Variants in LRBA observed in about 807,000 individuals in gnomAD.
The protein encoded by LRBA is lipopolysaccharide-responsive and beige-like anchor protein.
A neutral mutation model predicts 330.0 loss-of-function variants in LRBA; 176 were observed. The observed-to-expected ratio is 0.53, with a 90% CI of 0.47 to 0.60. LRBA has a LOEUF of 0.60. Among genes scored for constraint, LRBA ranks in the 20% least tolerant of loss-of-function variants. The pLI is 0.00. For synonymous variants in LRBA, 1,230 were observed against 1,193.0 expected (o/e 1.03, Z -0.64); for missense variants, 3,259 against 3,444.8 (o/e 0.95, Z 1.35).
chr4:150,805,468 G>GA (rs1742558939), intron 33 of LRBA, among the ~76,000 whole-genome samples: 1 of 132,274 alleles, frequency 7.6e-6, no homozygotes, highest in South Asian at 2.7e-4. Context: ...GAAAGGAAAG[G>GA]AAAGGAAAGG....
chr4:150,308,762 C>G (rs1158798015), intron 52 of LRBA, among the ~76,000 whole-genome samples: 3 of 151,952 alleles, frequency 2.0e-5, no homozygotes, highest in African/African-American at 7.3e-5. Context: ...TAGAAAAAAA[C>G]CTATACAATA....
At chr4:150,630,312 C>G (rs2126666792) in intron 37 of LRBA, among the ~76,000 whole-genome samples, 1 of 152,098 alleles carries the variant, frequency 6.6e-6, no homozygotes, top group South Asian at 2.1e-4. Context: ...GATGTGTTGA[C>G]ATCAATAGTT....
intron 2 of LRBA, among the ~76,000 whole-genome samples, chr4:151,003,885 CTGTGTGTGTGTGTGTGTG>C (rs56025404): frequency 2.1e-4 from 28 of 134,198 alleles, no homozygotes; most frequent in East Asian, 6.8e-4. Flanking sequence ...TAGCCAACTG[CTGTGTGTGTGTGTGTGTG>C]TGTGTGTGTG....
intron 44 of LRBA, among the ~76,000 whole-genome samples, chr4:150,465,812 A>C (rs951316348): frequency 6.6e-6 from 1 of 152,104 alleles, no homozygotes; most frequent in Non-Finnish European, 1.5e-5. Flanking sequence ...CAGTAAGTAG[A>C]TATAGAAACT....
chr4:150,790,076 A>G (rs1739678976), intron 34 of LRBA, among the ~76,000 whole-genome samples: 2 of 152,238 alleles, frequency 1.3e-5, no homozygotes, highest in South Asian at 4.1e-4. Context: ...TGTCAGGAAG[A>G]GTTCCATTTC....
intron 37 of LRBA, among the ~76,000 whole-genome samples, chr4:150,639,799 ATATATATGTGTGTGTGTGTG>A (rs1561457665): frequency 0.02 from 91 of 4,618 alleles, 8 homozygotes; most frequent in East Asian, 0.029. Context: ...GTGTATATAT[ATATATATGTGTGTGTGTGTG>A]TATATATATA....
At chr4:150,608,511 C>T (rs369745440) in intron 37 of LRBA, among the ~76,000 whole-genome samples, 2 of 152,214 alleles carry the variant, frequency 1.3e-5, no homozygotes, top group East Asian at 3.9e-4. Context: ...CAGCGGGCAC[C>T]ATTATTTAAT....
At chr4:150,518,611 C>T (rs963657108) in intron 40 of LRBA, among the ~76,000 whole-genome samples, 1 of 152,160 alleles carries the variant, frequency 6.6e-6, no homozygotes, top group Admixed American at 6.5e-5. Context: ...CTACAACCAG[C>T]CTCCCTTCCT....
At chr4:150,600,967 G>A (rs978090382) in intron 37 of LRBA, among the ~76,000 whole-genome samples, 4 of 152,142 alleles carry the variant, frequency 2.6e-5, no homozygotes, top group Non-Finnish European at 4.4e-5. Flanking sequence ...TGAATCACAG[G>A]CTGCTCCTCG....
intron 17 of LRBA, among the ~76,000 whole-genome samples, chr4:150,887,249 A>C (rs1030704299): frequency 6.6e-6 from 1 of 152,214 alleles, no homozygotes; most frequent in Non-Finnish European, 1.5e-5. Context: ...ATCAAAATGT[A>C]AAACACAAAG....
rs868382707 is a variant in LRBA at position 150,661,485 on chromosome 4, A to G, written c.5921+22066T>C. Among the ~76,000 whole-genome samples, 237 of 151,730 alleles carry G rather than the reference A, an allele frequency of 1.6e-3. 3 individuals are homozygous for G. Among genetic ancestry groups the G allele is most frequent in the African/African-American group, 2.9e-3 (122 of 41,470 alleles). ...ACTCTGTCTCAAAAAAAAAAAAAAA[A>G]AAGAAGAAAGAAAGAAAGAACTTTT... is the stretch of plus-strand genomic sequence containing the variant. On this transcript the variant is annotated intron_variant, in intron 37 of 56. Coordinates refer to ENST00000651943, the MANE Select transcript of LRBA (RefSeq NM_001364905.1).
At chr4:150,697,424 A>G (rs1438739561) in intron 36 of LRBA, among the ~76,000 whole-genome samples, 1 of 151,736 alleles carries the variant, frequency 6.6e-6, no homozygotes, top group Non-Finnish European at 1.5e-5. Context: ...AAAAAATAAA[A>G]TGTAGAAAAT....
intron 43 of LRBA, 73 bp from the exon 44 acceptor site, chr4:150,467,858 C>A: frequency 1.5e-6 from 1 of 668,540 alleles, no homozygotes; most frequent in South Asian, 2.4e-5. Context: ...ATATAATTTA[C>A]TAAAAATAAG....
At chr4:150,446,062 CAGAA>C (rs1752580380) in intron 44 of LRBA, among the ~76,000 whole-genome samples, 1 of 151,572 alleles carries the variant, frequency 6.6e-6, no homozygotes, top group African/African-American at 2.4e-5. Context: ...AAGCCAAGCA[CAGAA>C]AGATAAATAT....
intron 35 of LRBA, among the ~76,000 whole-genome samples, chr4:150,740,643 T>A (rs1214274058): frequency 2.2e-5 from 3 of 136,160 alleles, no homozygotes; most frequent in Admixed American, 7.4e-5. Flanking sequence ...GAAAGAATGG[T>A]AAAAAAAAAA....
At chr4:150,785,014 T>C (rs1373473643) in intron 34 of LRBA, among the ~76,000 whole-genome samples, 2 of 152,102 alleles carry the variant, frequency 1.3e-5, no homozygotes, top group Admixed American at 6.5e-5. Context: ...GAAATTGCAA[T>C]AGAGAAAAAA....
At chr4:150,944,364 G>C (rs1421845699) in intron 2 of LRBA, among the ~76,000 whole-genome samples, 1 of 152,126 alleles carries the variant, frequency 6.6e-6, no homozygotes, top group Non-Finnish European at 1.5e-5. Flanking sequence ...ATTGCTGTCA[G>C]CTACATAGGC....
At chr4:150,956,511 C>T (rs192624010) in intron 2 of LRBA, among the ~76,000 whole-genome samples, 1 of 149,076 alleles carries the variant, frequency 6.7e-6, no homozygotes, top group East Asian at 1.9e-4. Flanking sequence ...GGAGAGAACA[C>T]ATCCCAGCTA....
intron 40 of LRBA, among the ~76,000 whole-genome samples, chr4:150,564,755 G>A (rs1057025386): frequency 6.6e-6 from 1 of 152,136 alleles, no homozygotes; most frequent in African/African-American, 2.4e-5. Flanking sequence ...AAGAAGATAT[G>A]TATGTGGCTA....
Sources: gnomAD v4.1 joint callset for allele counts (sites outside exome capture counted in the v4.1 genomes callset) on GRCh38, gnomAD v4.1.1 for gene constraint, MANE v1.5 for transcripts, NCBI Gene and HGNC (gene_info 2026-07-23, HGNC 2026-07-21) for gene names.